Variants in KIAA1958 observed in about 807,000 individuals in gnomAD.
The protein encoded by KIAA1958 is KIAA1958.
In KIAA1958, 14 loss-of-function variants were observed where a neutral mutation model predicts 47.2. The observed-to-expected ratio is 0.30, with a 90% confidence interval of 0.20 to 0.46. The LOEUF is 0.46. Ranked by LOEUF, KIAA1958 falls within the 20% of genes least tolerant of loss-of-function variation. The pLI is 1.00. For synonymous variants in KIAA1958, 354 were observed against 353.3 expected, an observed-to-expected ratio of 1.00 and a Z score of -0.02; for missense variants, 803 against 909.2, an observed-to-expected ratio of 0.88 and a Z score of 1.50.
chr9:112,571,194 TCTTC>T (rs1414571594), intron 1 of KIAA1958, among the ~76,000 whole-genome samples: 1 of 152,232 alleles, frequency 6.6e-6, no homozygotes, highest in African/African-American at 2.4e-5. Flanking sequence ...GGTTTCTAAG[TCTTC>T]CTTAATCCAG....
Position 112,622,649 on chromosome 9 carries a change from T to G in KIAA1958, c.1172-23001T>G, listed in dbSNP as rs1011874905. Among the ~76,000 whole-genome samples, 3 of 152,346 alleles carry G rather than the reference T, an allele frequency of 2.0e-5. No homozygotes were observed. In the South Asian group the frequency reaches 6.2e-4, roughly 32 times the overall value. On this transcript the variant is annotated intron_variant, in intron 2 of 3. Transcript: ENST00000337530. ...TAATTATTTTTCCCTATGGTTAAAT[T>G]TTCCCTATGTTAAATCACTGCCTGT...
intron 1 of KIAA1958, among the ~76,000 whole-genome samples, chr9:112,490,933 GTATCAAAAGAAA>G (rs1197808348): frequency 6.6e-6 from 1 of 152,202 alleles, no homozygotes; most frequent in African/African-American, 2.4e-5. Flanking sequence ...GTAACATTAT[GTATCAAAAGAAA>G]TTATACAACT....
chr9:112,592,866 A>G (rs1411390872), intron 2 of KIAA1958, among the ~76,000 whole-genome samples: 1 of 152,208 alleles, frequency 6.6e-6, no homozygotes, highest in East Asian at 1.9e-4. Flanking sequence ...TGGTAGAAGG[A>G]ATGAGGTATG....
rs1837311132 is a variant in KIAA1958 at position 112,663,438 on chromosome 9, T to C, written c.*3369T>C. 6.6e-6 allele frequency: 1 copy of C among 152,200 alleles called. No individual in the cohort carries two copies. Among genetic ancestry groups the C allele is most frequent in the Non-Finnish European group, 1.5e-5 (1 of 68,032 alleles). 9.4% of individuals were successfully genotyped at this position (152,200 alleles called of 1,614,324 possible). ...TAATAATTAATATTATTTAACTAAT[T>C]TGCATTATACCACTTATTTCTTCCA... On this transcript the variant is annotated 3_prime_UTR_variant, in exon 4 of 4. Transcript: ENST00000337530.
chr9:112,561,990 G>A (rs1835339564), intron 1 of KIAA1958, among the ~76,000 whole-genome samples: 1 of 152,182 alleles, frequency 6.6e-6, no homozygotes, highest in Non-Finnish European at 1.5e-5. Flanking sequence ...GGGTAAATGA[G>A]CCTTGTTTTA....
chr9:112,560,015 G>A (rs2131157926), intron 1 of KIAA1958, among the ~76,000 whole-genome samples: 1 of 151,516 alleles, frequency 6.6e-6, no homozygotes, highest in South Asian at 2.1e-4. Context: ...ATGAATGATT[G>A]GGAAAGTTCT....
At chr9:112,624,925 C>G (rs1044703173) in intron 2 of KIAA1958, among the ~76,000 whole-genome samples, 4 of 152,054 alleles carry the variant, frequency 2.6e-5, no homozygotes, top group African/African-American at 9.7e-5. Flanking sequence ...GTAGGAGTCA[C>G]CACGTCCTCA....
At chr9:112,500,455 A>ATTT (rs201069638) in intron 1 of KIAA1958, among the ~76,000 whole-genome samples, 1 of 139,440 alleles carries the variant, frequency 7.2e-6, no homozygotes, top group Non-Finnish European at 1.6e-5. Context: ...AATATCATTA[A>ATTT]TTTTTTTTTT....
At chr9:112,505,216 G>C (rs1834213041) in intron 1 of KIAA1958, among the ~76,000 whole-genome samples, 1 of 152,138 alleles carries the variant, frequency 6.6e-6, no homozygotes, top group Non-Finnish European at 1.5e-5. Flanking sequence ...AAAATGACCT[G>C]ATTTTATTCT....
At chr9:112,514,766 C>T (rs1834386218) in intron 1 of KIAA1958, among the ~76,000 whole-genome samples, 1 of 16,044 alleles carries the variant, frequency 6.2e-5, no homozygotes. Flanking sequence ...AGTGAGGAGC[C>T]CCTCTGCCCG....
At chr9:112,600,228 C>T (rs908969706) in intron 2 of KIAA1958, among the ~76,000 whole-genome samples, 4 of 151,968 alleles carry the variant, frequency 2.6e-5, no homozygotes, top group East Asian at 1.9e-4. Flanking sequence ...GTTATTTATC[C>T]GCACCTGTCA....
intron 1 of KIAA1958, among the ~76,000 whole-genome samples, chr9:112,570,100 G>C (rs1387382311): frequency 6.6e-6 from 1 of 152,186 alleles, no homozygotes; most frequent in Non-Finnish European, 1.5e-5. Context: ...TAGTTCTTCT[G>C]TGTTAGATTT....
chr9:112,595,575 A>G (rs2131194566), intron 2 of KIAA1958, among the ~76,000 whole-genome samples: 1 of 150,996 alleles, frequency 6.6e-6, no homozygotes, highest in Admixed American at 6.6e-5. Context: ...GGGTAGGCGG[A>G]GCTGAGGCAG....
At chr9:112,602,223 GT>G (rs899398185) in intron 2 of KIAA1958, among the ~76,000 whole-genome samples, 6 of 152,056 alleles carry the variant, frequency 3.9e-5, no homozygotes, top group African/African-American at 1.2e-4. Context: ...AGCTTACTGG[GT>G]TTTTTCCCCC....
In KIAA1958 at chr9:112,637,284, T is replaced by A. The variant is rs530810816; in HGVS notation, c.1172-8366T>A. On this transcript the variant is annotated intron_variant, in intron 2 of 3. Transcript: ENST00000337530. ...TTAACTTGCTGCCATCTTTTTTCCT[T>A]TTGCCTGAACATCTGTCTTTATTTT... 3.9e-5 allele frequency among the ~76,000 whole-genome samples: 6 copies of A among 152,338 alleles called. No homozygotes were observed. The South Asian group carries it at 1.2e-3, about 32-fold the overall frequency.
chr9:112,650,019 A>T (rs1837032295), intron 3 of KIAA1958, among the ~76,000 whole-genome samples: 1 of 152,114 alleles, frequency 6.6e-6, no homozygotes, highest in African/African-American at 2.4e-5. Flanking sequence ...ATAACAAGAT[A>T]AAATGGAATA....
At chr9:112,536,527 A>G (rs374300264) in intron 1 of KIAA1958, among the ~76,000 whole-genome samples, 6 of 152,188 alleles carry the variant, frequency 3.9e-5, no homozygotes, top group African/African-American at 1.4e-4. Context: ...GGATGGGTAA[A>G]TAGACCAATA....
intron 1 of KIAA1958, among the ~76,000 whole-genome samples, chr9:112,525,925 T>C (rs1195106889): frequency 1.2e-3 from 2 of 1,612 alleles, no homozygotes; most frequent in Admixed American, 5.4e-3. Flanking sequence ...TTCTTTCTTC[T>C]TCTTCTTCTT....
chr9:112,539,490 G>C (rs1834905161), intron 1 of KIAA1958, among the ~76,000 whole-genome samples: 1 of 152,118 alleles, frequency 6.6e-6, no homozygotes, highest in Non-Finnish European at 1.5e-5. Flanking sequence ...TAGAGACTCA[G>C]TGTAGATGAG....
Sources: allele counts gnomAD v4.1 joint callset (sites outside exome capture counted in the v4.1 genomes callset), GRCh38; gene constraint gnomAD v4.1.1; transcripts MANE v1.5; gene names NCBI Gene and HGNC (gene_info 2026-07-23, HGNC 2026-07-21).